Variants in TARS2 observed in about 807,000 individuals in gnomAD.
TARS2 encodes threonyl-tRNA synthetase 2, mitochondrial, also known as threonine--tRNA ligase, mitochondrial.
In TARS2, 61 loss-of-function variants were observed where a neutral mutation model predicts 94.4. The observed-to-expected ratio is 0.65, with a 90% CI of 0.53 to 0.80. The LOEUF (loss-of-function observed/expected upper bound fraction) is 0.80, where lower values mean the gene tolerates loss of function less well. Among genes scored for constraint, TARS2 ranks in the 30% least tolerant of loss-of-function variants. The pLI is 0.00. For synonymous variants in TARS2, 359 were observed against 353.4 expected (o/e 1.02, Z -0.18); for missense variants, 704 against 902.5 (o/e 0.78, Z 2.82).
chr1:150,504,631 G>A lies in TARS2; in HGVS notation c.1719-1G>A. Reference sequence around the variant, plus strand: ...TCCACCCCCCCCTTTTTCCTTTCAAGGCAGGCGGGTGCCCTGGAGCGTCCA... The same window carrying A: ...TCCACCCCCCCCTTTTTCCTTTCAAAGCAGGCGGGTGCCCTGGAGCGTCCA... On this transcript the variant is annotated splice_acceptor_variant, in intron 14 of 17. Coordinates refer to ENST00000369064, the MANE Select transcript of TARS2 (RefSeq NM_025150.5). LOFTEE classifies it high-confidence loss of function. 6.2e-7 allele frequency: 1 copy of A among 1,609,778 alleles called. No individual in the cohort carries two copies. The highest frequency in any genetic ancestry group is 1.1e-5 in the South Asian group (1 of 90,928).
chr1:150,498,786 C>T, intron 11 of TARS2, 111 bp from the exon 12 acceptor site: 5 of 1,607,526 alleles, frequency 3.1e-6, no homozygotes, highest in South Asian at 1.1e-5. Context: ...CATTCTACCC[C>T]CAGCTTGCTT....
chr1:150,498,664 G>C lies in TARS2; in HGVS notation c.1401G>C (p.Gln467His), dbSNP rs1175286331. Reference sequence around the variant, plus strand: ...CTCACATCTTCTGTACAACAGATCAGGTGGCCTTTCCCTGGCTCCACCAAA... The same window carrying C: ...CTCACATCTTCTGTACAACAGATCACGTGGCCTTTCCCTGGCTCCACCAAA... The part of the protein sequence containing the change: ...DDAHIFCTTD[Q>H]LEAEIQSCLD... Residue 467 changes from glutamine (Q) to histidine (H), a missense_variant and splice_region_variant, in exon 11 of 18, where the codon CAG becomes CAC. By Grantham distance (24) the Gln-to-His change is conservative. Around this residue, in one of 3 missense-constraint regions of TARS2, gnomAD observed 466 missense variants for 609.5 expected, o/e 0.76. Coordinates refer to ENST00000369064, the MANE Select transcript of TARS2 (RefSeq NM_025150.5). The C allele has an allele frequency of 5.6e-6, 9 of 1,613,182 alleles. No homozygotes were observed. Among genetic ancestry groups the C allele is most frequent in the African/African-American group, 1.3e-5 (1 of 74,848 alleles).
intron 6 of TARS2, 181 bp downstream of exon 6, chr1:150,491,843 G>T: frequency 1.6e-6 from 1 of 621,962 alleles, no homozygotes; most frequent in Admixed American, 2.9e-5. Flanking sequence ...CTCCCAGGCT[G>T]GAGTGCGGTA....
intron 13 of TARS2, among the ~76,000 whole-genome samples, chr1:150,502,543 A>ATGC (rs1669975074): frequency 6.6e-6 from 1 of 151,724 alleles, no homozygotes; most frequent in Non-Finnish European, 1.5e-5. Flanking sequence ...CCGCTACCAC[A>ATGC]CCAGCTAATT....
intron 7 of TARS2, 102 bp from the exon 8 acceptor site, chr1:150,496,380 G>A (rs1669663202): frequency 5.1e-6 from 7 of 1,377,530 alleles, no homozygotes; most frequent in Non-Finnish European, 5.9e-6. Flanking sequence ...TTGTCAAGAG[G>A]CATACCTGTG....
At chr1:150,498,765 T>C in intron 11 of TARS2, 101 bp downstream of exon 11, 1 of 1,606,498 alleles carries the variant, frequency 6.2e-7, no homozygotes, top group Non-Finnish European at 8.5e-7. Flanking sequence ...GTATGTACTA[T>C]AATTCAGCTA....
Position 150,497,558 on chromosome 1 carries a change from A to G in TARS2, c.1049A>G (p.Glu350Gly). The G allele has an allele frequency of 6.2e-7, 1 of 1,614,094 alleles. No homozygotes were observed. Among genetic ancestry groups the G allele is most frequent in the Non-Finnish European group, 8.5e-7 (1 of 1,180,002 alleles). The change falls in exon 10 of 18, where the codon GAG becomes GGG. Residue 350 changes from glutamate to glycine, a missense_variant. Glu to Gly is a moderately conservative substitution (Grantham distance 98, BLOSUM62 -2). Transcript: ENST00000369064. Reference sequence around the variant, plus strand: ...GAGTATGCCCATCGTGGTTTCTCCGAGGTGAAAACTCCCACACTGTTTTCT... The same window carrying G: ...GAGTATGCCCATCGTGGTTTCTCCGGGGTGAAAACTCCCACACTGTTTTCT... ...RAEYAHRGFSEVKTPTLFSTK... is the reference protein window; with the variant it reads ...RAEYAHRGFSGVKTPTLFSTK...
intron 7 of TARS2, among the ~76,000 whole-genome samples, chr1:150,495,145 A>T (rs1228867515): frequency 6.6e-6 from 1 of 151,044 alleles, no homozygotes; most frequent in Non-Finnish European, 1.5e-5. Context: ...ACGCCACTGC[A>T]CTCCAGCCTG....
rs767358679 is a variant in TARS2 at position 150,496,468 on chromosome 1, A to G, written c.775-14A>G. On this transcript the variant is annotated splice_polypyrimidine_tract_variant and intron_variant, in intron 7 of 17. Coordinates refer to ENST00000369064, the MANE Select transcript of TARS2 (RefSeq NM_025150.5). ...GTCCTCATCTTTCCTTTGATCCCCT[A>G]TGTCCTCACACAGAACTCATCATCC... The G allele has an allele frequency of 6.9e-6, 11 of 1,601,276 alleles. No homozygotes were observed. Among genetic ancestry groups the G allele is most frequent in the Admixed American group, 3.4e-5 (2 of 58,466 alleles).
intron 16 of TARS2, among the ~76,000 whole-genome samples, 154 bp from the exon 17 acceptor site, chr1:150,505,437 G>A (rs1328209231): frequency 2.0e-5 from 3 of 152,156 alleles, no homozygotes; most frequent in Non-Finnish European, 2.9e-5. Flanking sequence ...TCAATGTGGA[G>A]ATGAAATGAG....
intron 13 of TARS2, 105 bp downstream of exon 13, chr1:150,499,398 C>A: frequency 1.9e-6 from 2 of 1,071,182 alleles, no homozygotes; most frequent in South Asian, 2.9e-5. Context: ...CAGTCTCACT[C>A]TGTCACCCAG....
intron 16 of TARS2, 42 bp downstream of exon 16, chr1:150,505,020 T>C: frequency 6.2e-7 from 1 of 1,604,786 alleles, no homozygotes; most frequent in Non-Finnish European, 8.5e-7. Flanking sequence ...GCAGGTCCAG[T>C]AGAGAGTCTG....
In TARS2 at chr1:150,491,419, G is replaced by A; in HGVS notation, c.538G>A (p.Val180Ile). 1.2e-6 allele frequency: 2 copies of A among 1,613,340 alleles called. No individual in the cohort carries two copies. The highest frequency in any genetic ancestry group is 1.7e-6 in the Non-Finnish European group (2 of 1,180,042). Residue 180 changes from valine (V) to isoleucine (I), a missense_variant, in exon 5 of 18, where the codon GTT (valine) becomes ATT (isoleucine). Coordinates refer to ENST00000369064, the MANE Select transcript of TARS2 (RefSeq NM_025150.5). ...GACAATCCGGGGCTCAGAGCTGCCT[G>A]TTTTGGAGCGGATTTGCCAGGAACT... ...ERTIRGSELPVLERICQELTA... is the reference protein window; with the variant it reads ...ERTIRGSELPILERICQELTA...
At position 150,505,577 on chromosome 1, in the gene TARS2, A is replaced by G. The variant is rs1670164027; in HGVS notation, c.1894-14A>G. On this transcript the variant is annotated splice_polypyrimidine_tract_variant and intron_variant, in intron 16 of 17. Coordinates refer to ENST00000369064, the MANE Select transcript of TARS2 (RefSeq NM_025150.5). Reference sequence around the variant, plus strand: ...CCAGTAAATTAACTTCCTGTCACCAAACCTCTGTTGCAGGCACAGCAGAGC... The same window carrying G: ...CCAGTAAATTAACTTCCTGTCACCAGACCTCTGTTGCAGGCACAGCAGAGC... 1 of 1,611,780 alleles carries G rather than the reference A, an allele frequency of 6.2e-7. No individual in the cohort carries two copies. Among genetic ancestry groups the G allele is most frequent in the Non-Finnish European group, 8.5e-7 (1 of 1,177,944 alleles).
chr1:150,491,326 A>G, intron 4 of TARS2, 68 bp from the exon 5 acceptor site: 2 of 1,507,366 alleles, frequency 1.3e-6, no homozygotes, highest in Non-Finnish European at 1.8e-6. Flanking sequence ...CCGCTAGCCA[A>G]CAGGTGTGTC....
Position 150,487,920 on chromosome 1 carries a change from G to C in TARS2, c.129G>C (p.Trp43Cys). ...AERLGLFEEL[W>C]AAQVKRLASM... ...GGCTTGGCCTTTTTGAGGAGCTGTG[G>C]GCTGCTCAGGTAAAGAGATTAGCAA... The change falls in exon 2 of 18, where the codon TGG becomes TGC. Residue 43 changes from tryptophan (W) to cysteine (C), a missense_variant. Coordinates refer to ENST00000369064, the MANE Select transcript of TARS2 (RefSeq NM_025150.5). 1 of 1,613,866 alleles carries C rather than the reference G, an allele frequency of 6.2e-7. No individual in the cohort carries two copies. The highest frequency in any genetic ancestry group is 8.5e-7 in the Non-Finnish European group (1 of 1,180,040).
chr1:150,503,653 A>G (rs1425913322), intron 13 of TARS2, among the ~76,000 whole-genome samples: 19 of 148,438 alleles, frequency 1.3e-4, no homozygotes, highest in African/African-American at 3.0e-4. Context: ...ATATGTGTGT[A>G]TATATGTGTG....
At position 150,491,061 on chromosome 1, in the gene TARS2, AAAAC is replaced by A. The variant is rs150477132; in HGVS notation, c.513-329_513-326del. On this transcript the variant is annotated intron_variant, in intron 4 of 17. Coordinates refer to ENST00000369064, the MANE Select transcript of TARS2 (RefSeq NM_025150.5). Reference sequence around the variant, plus strand: ...CACAGCAAGACACTTTCTCAAAAAAAAAACAAAAAGAAAAAGAAGAAACAACTTA... The same window carrying A: ...CACAGCAAGACACTTTCTCAAAAAAAAAAAAGAAAAAGAAGAAACAACTTA... 0.31 allele frequency among the ~76,000 whole-genome samples: 46,205 copies of A among 150,812 alleles called. 7,932 individuals are homozygous for A. The highest frequency in any genetic ancestry group is 0.4 in the Non-Finnish European group (26,711 of 67,490).
chr1:150,505,648 C>T lies in TARS2; in HGVS notation c.1951C>T (p.Leu651=). The T allele has an allele frequency of 6.2e-7, 1 of 1,614,214 alleles. No homozygotes were observed. The highest frequency in any genetic ancestry group is 8.5e-7 in the Non-Finnish European group (1 of 1,180,044). ...CAGTGACCTGGATGCAGACTCTGGA[C>T]TGACCCTCAGCCGGAGAATCCGCCG... ...LVSDLDADSG[L]TLSRRIRRAQ... The change falls in exon 17 of 18, where the codon CTG becomes TTG. Residue 651 remains leucine (L), a synonymous_variant. Coordinates refer to ENST00000369064, the MANE Select transcript of TARS2 (RefSeq NM_025150.5).
Sources: gnomAD v4.1 joint callset for allele counts (sites outside exome capture counted in the v4.1 genomes callset) on GRCh38, gnomAD v4.1.1 for gene constraint, gnomAD v4.1.1 regional missense constraint, MANE v1.5 for transcripts, NCBI Gene and HGNC (gene_info 2026-07-23, HGNC 2026-07-21) for gene names.